HERC3: variants seen among roughly 807,000 people sequenced by gnomAD.
HERC3 encodes the protein probable E3 ubiquitin-protein ligase HERC3.
Under a neutral mutation model 129.9 loss-of-function variants are expected in HERC3, and 58 were observed. The observed-to-expected ratio is 0.45, with a 90% CI of 0.36 to 0.56. HERC3 has a LOEUF of 0.56. HERC3 is among the 20% of genes least tolerant of loss of function. The pLI is 0.00. For missense variants in HERC3, 835 were observed against 1,244.2 expected, an observed-to-expected ratio of 0.67 and a Z score of 4.95; for synonymous variants, 430 against 451.0, an observed-to-expected ratio of 0.95 and a Z score of 0.59.
chr4:88,625,845 T>A (rs545703451), intron 3 of HERC3, among the ~76,000 whole-genome samples: 21 of 152,110 alleles, frequency 1.4e-4, no homozygotes, highest in African/African-American at 3.4e-4. Flanking sequence ...GATTTTTTTT[T>A]AAATAAAAAA....
intron 23 of HERC3, among the ~76,000 whole-genome samples, chr4:88,688,664 A>G (rs1733734233): frequency 1.3e-5 from 2 of 152,208 alleles, no homozygotes; most frequent in Admixed American, 6.5e-5. Context: ...TGTGATACCC[A>G]GGTGATTGTG....
the HERC3 span, among the ~76,000 whole-genome samples, chr4:88,575,213 C>T: frequency 1.1e-3 from 175 of 152,314 alleles, no homozygotes; most frequent in African/African-American, 3.3e-3. Context: ...AGTGAATATA[C>T]ACTTCTGTAT....
intron 21 of HERC3, chr4:88,685,023 G>A (rs920297829): frequency 4.6e-5 from 7 of 152,170 alleles, no homozygotes; most frequent in Non-Finnish European, 7.3e-5. Context: ...TTAAAGAAAT[G>A]CAAATCAAAA....
chr4:88,581,267 A>G, the HERC3 span, among the ~76,000 whole-genome samples: 1 of 151,678 alleles, frequency 6.6e-6, no homozygotes, highest in Non-Finnish European at 1.5e-5. Flanking sequence ...TCTGCTAAAA[A>G]TATATTCTTT....
chr4:88,538,575 G>A, the HERC3 span, among the ~76,000 whole-genome samples: 3 of 136,116 alleles, frequency 2.2e-5, no homozygotes, highest in Admixed American at 8.3e-5. Flanking sequence ...ACGAAGTCTC[G>A]CTCTGTCACC....
the HERC3 span, among the ~76,000 whole-genome samples, chr4:88,544,919 G>A: frequency 6.6e-6 from 1 of 152,162 alleles, no homozygotes; most frequent in African/African-American, 2.4e-5. Flanking sequence ...GATGCTGGGG[G>A]AGGGATAGCA....
chr4:88,567,233 A>G, the HERC3 span, among the ~76,000 whole-genome samples: 1 of 151,966 alleles, frequency 6.6e-6, no homozygotes, highest in African/African-American at 2.4e-5. Flanking sequence ...TTTATCCTTG[A>G]CCTTTGGGAG....
intron 2 of HERC3, among the ~76,000 whole-genome samples, chr4:88,605,525 G>T (rs529920876): frequency 4.6e-5 from 7 of 152,150 alleles, no homozygotes; most frequent in Non-Finnish European, 1.0e-4. Flanking sequence ...CTTTAGCAGT[G>T]ATCTGAAAAC....
chr4:88,580,042 G>T, the HERC3 span, among the ~76,000 whole-genome samples: 1 of 152,004 alleles, frequency 6.6e-6, no homozygotes, highest in Non-Finnish European at 1.5e-5. Flanking sequence ...AATAAATTTT[G>T]TGTTGTTTTA....
At position 88,619,505 on chromosome 4, in the gene HERC3, TA is replaced by T. The variant is rs202025566; in HGVS notation, c.226+13461del. 8.9e-3 allele frequency among the ~76,000 whole-genome samples: 1,357 copies of T among 152,252 alleles called. 19 individuals are homozygous for T. Among genetic ancestry groups the T allele is most frequent in the African/African-American group, 0.03 (1,265 of 41,536 alleles). On this transcript the variant is annotated intron_variant, in intron 3 of 25. Coordinates refer to ENST00000402738, the MANE Select transcript of HERC3 (RefSeq NM_014606.3). ...TCCAGATGTATGAAAGACATGAATG[TA>T]AAAAGTAAAACTATAAAAATAATAG...
Position 88,676,239 on chromosome 4 carries a change from C to G in HERC3, c.1933C>G (p.Gln645Glu), listed in dbSNP as rs540053335. ...ACAGAAGGCTAGACCATCAATAATA[C>G]AGGTAAATGATCCTTTTTAAATTTG... ...AGMKARPSII[Q>E]DTVTLCSYPF... The change falls in exon 17 of 26, where the codon CAG (glutamine) becomes GAG (glutamate). Residue 645 changes from glutamine (Q) to glutamate (E), a missense_variant and splice_region_variant. Physicochemically the swap from Gln to Glu is conservative, Grantham distance 29. Transcript: ENST00000402738. The G allele has an allele frequency of 1.5e-4, 242 of 1,569,968 alleles. 3 individuals are homozygous for G. In the South Asian group the frequency reaches 2.6e-3, roughly 17 times the overall value.
intron 3 of HERC3, among the ~76,000 whole-genome samples, chr4:88,609,452 C>T (rs1023222066): frequency 7.9e-5 from 12 of 152,182 alleles, no homozygotes; most frequent in African/African-American, 1.9e-4. Flanking sequence ...TTCACCATCC[C>T]GTGTAAAGGC....
intron 21 of HERC3, among the ~76,000 whole-genome samples, chr4:88,682,473 C>CGT (rs1732898931): frequency 1.8e-5 from 2 of 108,482 alleles, no homozygotes; most frequent in Admixed American, 2.4e-4. Flanking sequence ...CCTTCCCCGA[C>CGT]CCCCCCACCC....
intron 23 of HERC3, among the ~76,000 whole-genome samples, chr4:88,695,576 A>G (rs899554629): frequency 1.3e-5 from 2 of 152,220 alleles, no homozygotes; most frequent in African/African-American, 2.4e-5. Context: ...TAAGGAATCA[A>G]AAACATAGGG....
the HERC3 span, among the ~76,000 whole-genome samples, chr4:88,584,989 C>A: frequency 6.6e-6 from 1 of 152,160 alleles, no homozygotes; most frequent in Non-Finnish European, 1.5e-5. Context: ...AGCTTATAAA[C>A]AGAAATTTAT....
At chr4:88,635,043 GAGAA>G (rs1204482480) in intron 3 of HERC3, among the ~76,000 whole-genome samples, 9 of 152,126 alleles carry the variant, frequency 5.9e-5, no homozygotes, top group Non-Finnish European at 1.2e-4. Context: ...TCATGAGGAT[GAGAA>G]AGAATCAATG....
upstream of HERC3, among the ~76,000 whole-genome samples, chr4:88,590,619 C>G (rs539383340): frequency 1.7e-4 from 26 of 152,320 alleles, no homozygotes; most frequent in South Asian, 3.1e-3. Flanking sequence ...ATGGGCCAGA[C>G]ATATCAACCC....
chr4:88,602,874 A>G (rs73844019), intron 2 of HERC3, among the ~76,000 whole-genome samples: 2,339 of 152,286 alleles, frequency 0.015, 59 homozygotes, highest in African/African-American at 0.052. Flanking sequence ...GAATTTCCGA[A>G]GGGAAGAAGA....
intron 25 of HERC3, 86 bp from the exon 26 acceptor site, chr4:88,706,666 A>G: frequency 1.9e-6 from 2 of 1,031,890 alleles, no homozygotes; most frequent in South Asian, 2.8e-5. Context: ...ACAGGGTGTC[A>G]TGCCTTCCTC....
Sources: allele counts gnomAD v4.1 joint callset (sites outside exome capture counted in the v4.1 genomes callset), GRCh38; gene constraint gnomAD v4.1.1; transcripts MANE v1.5; gene names NCBI Gene and HGNC (gene_info 2026-07-23, HGNC 2026-07-21).